PRRC2B: variants seen among roughly 807,000 people sequenced by gnomAD.
The protein encoded by PRRC2B is proline rich coiled-coil 2B, also known as protein PRRC2B.
A neutral mutation model predicts 242.3 loss-of-function variants in PRRC2B; 68 were observed. That is an observed-to-expected ratio of 0.28 (90% CI 0.23 to 0.34). PRRC2B has a LOEUF of 0.34. PRRC2B is among the 10% of genes least tolerant of loss of function. The pLI is 1.00. For missense variants in PRRC2B, 2,835 were observed against 2,954.8 expected, an observed-to-expected ratio of 0.96 and a Z score of 0.94; for synonymous variants, 1,228 against 1,173.6, an observed-to-expected ratio of 1.05 and a Z score of -0.95.
At chr9:131,392,156 T>G (rs1836909930), upstream of PRRC2B, among the ~76,000 whole-genome samples, 1 of 151,426 alleles carries the variant, frequency 6.6e-6, no homozygotes, top group East Asian at 1.9e-4. Flanking sequence ...TGGAGTGCAG[T>G]GGCATGATCT....
intron 11 of PRRC2B, among the ~76,000 whole-genome samples, chr9:131,464,562 G>A (rs951033484): frequency 3.3e-5 from 5 of 152,222 alleles, no homozygotes; most frequent in Admixed American, 6.5e-5. Flanking sequence ...GATATGGAGA[G>A]TTGGCACTTG....
chr9:131,462,053 T>C (rs1015733547), intron 11 of PRRC2B, among the ~76,000 whole-genome samples: 16 of 151,592 alleles, frequency 1.1e-4, no homozygotes, highest in Non-Finnish European at 2.1e-4. Context: ...TCCGTATTCC[T>C]TTTTTTTTCC....
upstream of PRRC2B, among the ~76,000 whole-genome samples, chr9:131,389,658 G>T (rs1237888862): frequency 1.3e-5 from 2 of 150,256 alleles, no homozygotes; most frequent in Non-Finnish European, 3.0e-5. Context: ...TATTTGGCTG[G>T]TTTTGTGAGC....
chr9:131,448,891 C>T (rs542073868), intron 9 of PRRC2B, among the ~76,000 whole-genome samples: 1 of 152,262 alleles, frequency 6.6e-6, no homozygotes, highest in African/African-American at 2.4e-5. Flanking sequence ...CACACACATC[C>T]ATATCCAGAG....
rs1471904053 is a variant in PRRC2B, at chr9:131,395,286, G to A, written c.-52+1023G>A. Among the ~76,000 whole-genome samples the A allele has an allele frequency of 3.4e-4, 51 of 151,800 alleles. 1 individual carries two copies. The highest frequency in any genetic ancestry group is 3.3e-3 in the Admixed American group (51 of 15,238). On this transcript the variant is annotated intron_variant, in intron 1 of 31. Transcript: ENST00000683519. ...TCCCTAAGATTTTTTTTTTCTTTAA[G>A]GTTTAGTGTGCATTTGATGTGGCTT... is the stretch of plus-strand genomic sequence containing the variant.
At position 131,439,633 on chromosome 9, in the gene PRRC2B, TA is replaced by T. The variant is rs1175175929; in HGVS notation, c.469+573del. ...AACCTCACCCCCAGCCTGCCATGCCTAGGAGGTCCTGCCCCTTATGGGTTGA... is the reference window on the plus strand; with the variant it reads ...AACCTCACCCCCAGCCTGCCATGCCTGGAGGTCCTGCCCCTTATGGGTTGA... On this transcript the variant is annotated intron_variant, in intron 5 of 31. Transcript: ENST00000683519. Among the ~76,000 whole-genome samples the T allele has an allele frequency of 3.9e-5, 6 of 152,160 alleles. No homozygotes were observed. The East Asian group carries it at 1.2e-3, about 29-fold the overall frequency.
chr9:131,439,241 G>A (rs1354719710), intron 5 of PRRC2B, among the ~76,000 whole-genome samples, 180 bp downstream of exon 5: 1 of 152,202 alleles, frequency 6.6e-6, no homozygotes. Context: ...AGAGGTGCCA[G>A]CTCTTTGGTT....
intron 1 of PRRC2B, among the ~76,000 whole-genome samples, chr9:131,383,600 CTTT>C (rs561717754): frequency 1.8e-4 from 22 of 120,614 alleles, no homozygotes; most frequent in African/African-American, 5.7e-4. Flanking sequence ...TTTGGTTTCT[CTTT>C]TTTTTTTTTT....
intron 1 of PRRC2B, among the ~76,000 whole-genome samples, chr9:131,409,086 G>C (rs548442685): frequency 2.7e-5 from 4 of 150,324 alleles, no homozygotes; most frequent in South Asian, 2.1e-4. Context: ...GCAATGGCGC[G>C]ATCTTGTCTC....
At chr9:131,427,723 G>A (rs149095696) in intron 1 of PRRC2B, among the ~76,000 whole-genome samples, 1 of 152,264 alleles carries the variant, frequency 6.6e-6, no homozygotes, top group Non-Finnish European at 1.5e-5. Flanking sequence ...CATGGTGTCA[G>A]AACAAGATGG....
Position 131,475,881 on chromosome 9 carries a change from C to A in PRRC2B, c.3752C>A (p.Thr1251Lys). The A allele has an allele frequency of 6.2e-7, 1 of 1,613,904 alleles. No homozygotes were observed. Among genetic ancestry groups the A allele is most frequent in the South Asian group, 1.1e-5 (1 of 91,084 alleles). Residue 1251 changes from threonine to lysine, a missense_variant, in exon 16 of 32, where the codon ACA becomes AAA. Thr to Lys is a moderately conservative substitution (Grantham distance 78). This residue lies in a region of PRRC2B where 1,536 missense variants were observed against 1,483.1 expected (regional missense o/e 1.04). Coordinates refer to ENST00000683519, the MANE Select transcript of PRRC2B (RefSeq NM_013318.4). ...PSDTCGSRRPTDRDYVPDSYR... is the reference protein window; with the variant it reads ...PSDTCGSRRPKDRDYVPDSYR... ...GACACATGCGGATCCCGGCGACCTA[C>A]AGACAGAGACTATGTCCCAGATTCC... is the stretch of plus-strand genomic sequence containing the variant.
intron 1 of PRRC2B, among the ~76,000 whole-genome samples, chr9:131,429,864 C>T (rs901739705): frequency 6.6e-6 from 1 of 151,976 alleles, no homozygotes; most frequent in African/African-American, 2.4e-5. Context: ...TGGGGGGGTA[C>T]TCCACAGATC....
At chr9:131,435,340 C>T (rs909050285) in intron 3 of PRRC2B, among the ~76,000 whole-genome samples, 3 of 139,900 alleles carry the variant, frequency 2.1e-5, no homozygotes, top group Admixed American at 1.4e-4. Flanking sequence ...GTAGGTCGGG[C>T]GCAGTGGCTC....
At chr9:131,431,605 C>T (rs1380544383) in intron 2 of PRRC2B, among the ~76,000 whole-genome samples, 2 of 135,182 alleles carry the variant, frequency 1.5e-5, no homozygotes, top group Non-Finnish European at 3.1e-5. Flanking sequence ...TTTTTTGAGA[C>T]GGAGTCTCAC....
intron 28 of PRRC2B, chr9:131,490,464 T>C (rs761752154): frequency 1.9e-6 from 1 of 519,076 alleles, no homozygotes; most frequent in Admixed American, 1.9e-5. Context: ...GCATGGTGTT[T>C]TGCGGCTCTG....
chr9:131,403,154 A>G (rs192725320), intron 1 of PRRC2B, among the ~76,000 whole-genome samples: 46 of 152,276 alleles, frequency 3.0e-4, no homozygotes, highest in African/African-American at 1.0e-3. Flanking sequence ...CAGAAAGCAC[A>G]GGCCTGTCTG....
At chr9:131,441,549 A>G (rs945623409) in intron 5 of PRRC2B, among the ~76,000 whole-genome samples, 1 of 152,188 alleles carries the variant, frequency 6.6e-6, no homozygotes, top group African/African-American at 2.4e-5. Flanking sequence ...AAAAACAAAG[A>G]AAATAATTGC....
Position 131,459,298 on chromosome 9 carries a change from C to G in PRRC2B, c.1346C>G (p.Pro449Arg). Residue 449 changes from proline (P) to arginine (R), a missense_variant, in exon 11 of 32, where the codon CCA becomes CGA. By Grantham distance (103) the Pro-to-Arg change is moderately radical. Coordinates refer to ENST00000683519, the MANE Select transcript of PRRC2B (RefSeq NM_013318.4). Reference sequence around the variant, plus strand: ...GCGTCCCGTGTGGTCCGAAAGGCGCCAGACCCTCAGCCACCGCCCAGGAAG... The same window carrying G: ...GCGTCCCGTGTGGTCCGAAAGGCGCGAGACCCTCAGCCACCGCCCAGGAAG... ...VGASRVVRKA[P>R]DPQPPPRKLH... The G allele has an allele frequency of 6.2e-7, 1 of 1,613,900 alleles. No homozygotes were observed. Among genetic ancestry groups the G allele is most frequent in the Non-Finnish European group, 8.5e-7 (1 of 1,179,846 alleles).
chr9:131,488,132 C>A, intron 28 of PRRC2B, 36 bp downstream of exon 28: 4 of 1,588,966 alleles, frequency 2.5e-6, no homozygotes, highest in Non-Finnish European at 3.4e-6. Context: ...AAGCCCTAGG[C>A]TTCTTTCCTT....
Sources: allele counts gnomAD v4.1 joint callset (sites outside exome capture counted in the v4.1 genomes callset), GRCh38; gene constraint gnomAD v4.1.1; regional missense constraint gnomAD v4.1.1; transcripts MANE v1.5; gene names NCBI Gene and HGNC (gene_info 2026-07-23, HGNC 2026-07-21).